The following ATG7 variants were observed in gnomAD, a reference collection of about 807,000 sequenced individuals.
ATG7 encodes the protein autophagy related 7, also known as ubiquitin-like modifier-activating enzyme ATG7.
In ATG7, 70 loss-of-function variants were observed where a neutral mutation model predicts 82.4. The observed-to-expected ratio is 0.85, with a 90% CI of 0.70 to 1.04. The LOEUF is 1.04. Among genes scored for constraint, ATG7 ranks in the 50% least tolerant of loss-of-function variants. ATG7 has a pLI of 0.00. For missense variants in ATG7, 792 were observed against 864.3 expected, an observed-to-expected ratio of 0.92 and a Z score of 1.05; for synonymous variants, 287 against 313.0, an observed-to-expected ratio of 0.92 and a Z score of 0.88.
chr3:11,519,954 A>AT (rs1212913810), intron 20 of ATG7, among the ~76,000 whole-genome samples: 1 of 151,972 alleles, frequency 6.6e-6, no homozygotes, highest in Admixed American at 6.6e-5. Flanking sequence ...ATAATGACAG[A>AT]TTTTTTGGGA....
rs1377345544 is a variant in ATG7, at chr3:11,555,738, TGTGAGGCCCCAACCCAG to T, written c.*897_*913del. The T allele has an allele frequency of 6.6e-6, 1 of 152,312 alleles. No homozygotes were observed. Among genetic ancestry groups the T allele is most frequent in the Non-Finnish European group, 1.5e-5 (1 of 68,100 alleles). 9.4% of individuals were successfully genotyped at this position (152,312 alleles called of 1,614,324 possible). A position where few individuals can be genotyped will look rare whatever the true frequency, so the allele number is the denominator to read the frequency against. Reference sequence around the variant, plus strand: ...CCTCTTTATTCTGGGTGTGTGCAGCTGTGAGGCCCCAACCCAGGAGAGGCCATGGCCTAGGTACCTGT... The same window carrying T: ...CCTCTTTATTCTGGGTGTGTGCAGCTGAGAGGCCATGGCCTAGGTACCTGT... On this transcript the variant is annotated 3_prime_UTR_variant, in exon 21 of 21. Coordinates refer to ENST00000693202, the MANE Select transcript of ATG7 (RefSeq NM_001349232.2).
chr3:11,559,267 T>C (rs987287437), downstream of ATG7: 3 of 1,467,424 alleles, frequency 2.0e-6, no homozygotes, highest in African/African-American at 1.4e-5. Context: ...GCCAACAGCA[T>C]GACAGAGAAG....
At chr3:11,405,805 A>G (rs1347429254) in intron 19 of ATG7, among the ~76,000 whole-genome samples, 3 of 150,608 alleles carry the variant, frequency 2.0e-5, no homozygotes, top group Non-Finnish European at 3.0e-5. Flanking sequence ...TTTTTTGTAG[A>G]GATGGGGTTT....
chr3:11,550,789 GTGCA>G (rs1330189423), intron 20 of ATG7, among the ~76,000 whole-genome samples: 1 of 151,820 alleles, frequency 6.6e-6, no homozygotes, highest in Non-Finnish European at 1.5e-5. Context: ...CTGTTTTCCC[GTGCA>G]TATTGCATGC....
intron 20 of ATG7, among the ~76,000 whole-genome samples, chr3:11,490,098 T>A (rs1314762389): frequency 9.2e-5 from 14 of 152,172 alleles, no homozygotes; most frequent in Non-Finnish European, 1.8e-4. Flanking sequence ...CCCATTATTA[T>A]TGTGTGGGAG....
intron 19 of ATG7, among the ~76,000 whole-genome samples, chr3:11,382,562 G>A (rs1377948848): frequency 1.3e-5 from 2 of 151,996 alleles, no homozygotes; most frequent in Non-Finnish European, 2.9e-5. Context: ...CTAAACAGAT[G>A]GTATTTGTCA....
At chr3:11,456,608 C>G (rs548391471) in intron 20 of ATG7, among the ~76,000 whole-genome samples, 7 of 152,142 alleles carry the variant, frequency 4.6e-5, no homozygotes, top group Non-Finnish European at 8.8e-5. Context: ...ACTAATACAC[C>G]TTGCCTCCCC....
At chr3:11,290,970 C>T (rs1329604464) in intron 3 of ATG7, among the ~76,000 whole-genome samples, 1 of 152,172 alleles carries the variant, frequency 6.6e-6, no homozygotes. Flanking sequence ...GCGTGAGTCA[C>T]TTCACCCGGC....
chr3:11,558,442 C>T (rs1459750606), downstream of ATG7: 6 of 1,408,616 alleles, frequency 4.3e-6, no homozygotes, highest in Non-Finnish European at 5.6e-6. Flanking sequence ...GCAAATAAAC[C>T]ATCCCTTCCC....
chr3:11,574,667 G>T, the ATG7 span, among the ~76,000 whole-genome samples: 1 of 152,114 alleles, frequency 6.6e-6, no homozygotes, highest in African/African-American at 2.4e-5. Context: ...CCAGCACAAA[G>T]AAACGATTAA....
chr3:11,477,292 T>TA (rs946836926), intron 20 of ATG7: 26 of 1,202,522 alleles, frequency 2.2e-5, no homozygotes, highest in Non-Finnish European at 2.7e-5. Context: ...GATGATAAAA[T>TA]AAAATGTAAA....
intron 1 of ATG7, among the ~76,000 whole-genome samples, chr3:11,279,835 A>G (rs1942688160): frequency 6.6e-6 from 1 of 152,030 alleles, no homozygotes; most frequent in African/African-American, 2.4e-5. Flanking sequence ...GCCAGGCTAT[A>G]CTGTATTTGT....
chr3:11,436,627 T>A (rs1353667600), intron 20 of ATG7, among the ~76,000 whole-genome samples: 1 of 152,236 alleles, frequency 6.6e-6, no homozygotes, highest in Non-Finnish European at 1.5e-5. Context: ...ACACTATTAT[T>A]TATTCATAAT....
rs191873208 is a variant in ATG7, at chr3:11,518,311, C to T, written c.2080-36500C>T. On this transcript the variant is annotated intron_variant, in intron 20 of 20. Transcript: ENST00000693202. Reference sequence around the variant, plus strand: ...CCTGTAATCCCAGGACTTTGGGAGGCCAAGGTGGGTGGATCACAAGGTCAA... The same window carrying T: ...CCTGTAATCCCAGGACTTTGGGAGGTCAAGGTGGGTGGATCACAAGGTCAA... Among the ~76,000 whole-genome samples, 23 of 152,256 alleles carry T rather than the reference C, an allele frequency of 1.5e-4. 1 individual carries two copies. In the East Asian group the frequency reaches 4.4e-3, roughly 29 times the overall value.
At chr3:11,365,306 A>G (rs1369873295) in intron 18 of ATG7, among the ~76,000 whole-genome samples, 1 of 152,190 alleles carries the variant, frequency 6.6e-6, no homozygotes, top group African/African-American at 2.4e-5. Context: ...GGCATGAGAA[A>G]AACATTAGAA....
intron 19 of ATG7, among the ~76,000 whole-genome samples, chr3:11,413,432 C>G (rs992073835): frequency 2.0e-5 from 3 of 152,100 alleles, no homozygotes; most frequent in Non-Finnish European, 4.4e-5. Flanking sequence ...TGGCTTCCCC[C>G]CCGCCCCACT....
chr3:11,479,351 G>T (rs1359048826), intron 20 of ATG7, among the ~76,000 whole-genome samples: 5 of 152,142 alleles, frequency 3.3e-5, no homozygotes, highest in Non-Finnish European at 7.4e-5. Context: ...GAAGTCAAAG[G>T]CCGTGGCAAT....
At chr3:11,534,115 C>T (rs1363225648) in intron 20 of ATG7, among the ~76,000 whole-genome samples, 1 of 152,234 alleles carries the variant, frequency 6.6e-6, no homozygotes, top group Non-Finnish European at 1.5e-5. Context: ...ATCCAGTTGG[C>T]ACAGCCATGC....
At chr3:11,417,800 A>ATTTT (rs1314378737) in intron 19 of ATG7, among the ~76,000 whole-genome samples, 206 of 109,282 alleles carry the variant, frequency 1.9e-3, no homozygotes, top group Non-Finnish European at 2.9e-3. Context: ...TATTATTATT[A>ATTTT]TTTTATTTTA....
Sources: allele counts gnomAD v4.1 joint callset (sites outside exome capture counted in the v4.1 genomes callset), GRCh38; gene constraint gnomAD v4.1.1; transcripts MANE v1.5; gene names NCBI Gene and HGNC (gene_info 2026-07-23, HGNC 2026-07-21).